The following CSMD1 variants were observed in gnomAD, a reference collection of about 807,000 sequenced individuals.
CSMD1 encodes CUB and Sushi multiple domains 1.
In CSMD1, 213 loss-of-function variants were observed where a neutral mutation model predicts 417.5. The ratio of observed to expected loss-of-function variants is 0.51; its 90% CI spans 0.46 to 0.57. The LOEUF (loss-of-function observed/expected upper bound fraction) is 0.57. Ranked by LOEUF, CSMD1 falls within the 20% of genes least tolerant of loss-of-function variation. The probability of loss-of-function intolerance (pLI) is 0.00; values close to 1 mark genes in which losing one functional copy is unlikely to be tolerated. For synonymous variants in CSMD1, 2,862 were observed against 1,736.8 expected, an observed-to-expected ratio of 1.65 and a Z score of -16.11; for missense variants, 6,923 against 4,529.7, an observed-to-expected ratio of 1.53 and a Z score of -15.17.
intron 1 of CSMD1, among the ~76,000 whole-genome samples, chr8:4,748,348 T>C (rs79737412): frequency 6.6e-6 from 1 of 152,226 alleles, no homozygotes; most frequent in Admixed American, 6.5e-5. Flanking sequence ...ATATGGAAAT[T>C]TGTTTTCTTA....
rs137872396 is a variant in CSMD1 at position 4,067,457 on chromosome 8, C to G, written c.416-35358G>C. On this transcript the variant is annotated intron_variant, in intron 3 of 69. Coordinates refer to ENST00000635120, the MANE Select transcript of CSMD1 (RefSeq NM_033225.6). Reference sequence around the variant, plus strand: ...TTATTATTGTTATACAGTGGTATATCAGTTCTTTTCACATGAAATAAATTA... The same window carrying G: ...TTATTATTGTTATACAGTGGTATATGAGTTCTTTTCACATGAAATAAATTA... Among the ~76,000 whole-genome samples the G allele has an allele frequency of 1.3e-3, 201 of 150,076 alleles. 1 individual carries two copies. The highest frequency in any genetic ancestry group is 4.7e-3 in the African/African-American group (191 of 40,860).
chr8:3,342,484 A>C (rs2117607697), intron 23 of CSMD1, among the ~76,000 whole-genome samples: 1 of 152,310 alleles, frequency 6.6e-6, no homozygotes, highest in South Asian at 2.1e-4. Context: ...TAAACATTTT[A>C]ATTAATTAGT....
At chr8:4,630,777 T>G (rs1402856650) in intron 2 of CSMD1, among the ~76,000 whole-genome samples, 1 of 152,142 alleles carries the variant, frequency 6.6e-6, no homozygotes, top group Admixed American at 6.5e-5. Flanking sequence ...TGGGTTTCTG[T>G]GATGTGTCAT....
intron 3 of CSMD1, among the ~76,000 whole-genome samples, chr8:4,083,482 C>G (rs546254636): frequency 2.0e-5 from 3 of 152,068 alleles, no homozygotes; most frequent in African/African-American, 4.8e-5. Flanking sequence ...GGTACTGGTA[C>G]CAAAACAGAG....
At chr8:3,291,758 TGATCTGTCCAAAAA>T (rs1387500027) in intron 25 of CSMD1, among the ~76,000 whole-genome samples, 5 of 152,180 alleles carry the variant, frequency 3.3e-5, no homozygotes, top group African/African-American at 1.2e-4. Flanking sequence ...TCAGTTTTGT[TGATCTGTCCAAAAA>T]GTCAGCTCCT....
intron 10 of CSMD1, among the ~76,000 whole-genome samples, chr8:3,531,282 T>C (rs774863284): frequency 3.3e-5 from 5 of 152,202 alleles, no homozygotes; most frequent in Non-Finnish European, 7.3e-5. Flanking sequence ...TATTAATTAT[T>C]ATTATTTGTT....
intron 67 of CSMD1, 47 bp downstream of exon 67, chr8:2,950,184 T>C: frequency 2.5e-6 from 3 of 1,222,296 alleles, no homozygotes; most frequent in Non-Finnish European, 3.6e-6. Context: ...CACAGAGAGA[T>C]GATTAGAAAG....
At position 4,132,487 on chromosome 8, in the gene CSMD1, G is replaced by A. The variant is rs758924763; in HGVS notation, c.416-100388C>T. On this transcript the variant is annotated intron_variant, in intron 3 of 69. Transcript: ENST00000635120. Reference sequence around the variant, plus strand: ...TTTTACTTTAACAGGAACATGGGTAGTATAATACATTTTATTAGGCATTCC... The same window carrying A: ...TTTTACTTTAACAGGAACATGGGTAATATAATACATTTTATTAGGCATTCC... 2.0e-5 allele frequency among the ~76,000 whole-genome samples: 3 copies of A among 152,200 alleles called. No homozygotes were observed. The East Asian group carries it at 5.8e-4, about 29-fold the overall frequency.
chr8:3,758,511 C>A (rs540695904), intron 5 of CSMD1, among the ~76,000 whole-genome samples: 44 of 152,198 alleles, frequency 2.9e-4, no homozygotes, highest in African/African-American at 1.0e-3. Context: ...GTCTACAGGG[C>A]CAGGAGCTAA....
Position 4,388,311 on chromosome 8 carries a change from CACACACACAG to C in CSMD1, c.415+31632_415+31641del, listed in dbSNP as rs748475415. Among the ~76,000 whole-genome samples, 884 of 108,654 alleles carry C rather than the reference CACACACACAG, an allele frequency of 8.1e-3. 8 individuals are homozygous for C. The highest frequency in any genetic ancestry group is 0.02 in the African/African-American group (430 of 21,812). 71.3% of individuals were successfully genotyped at this position (108,654 alleles called of 152,430 possible). ...GGATAAAGAAACTGTGATACACACA[CACACACACAG>C]ACACACACACACACACACACACACG... On this transcript the variant is annotated intron_variant, in intron 3 of 69. Coordinates refer to ENST00000635120, the MANE Select transcript of CSMD1 (RefSeq NM_033225.6).
At chr8:3,808,467 T>C (rs1227742347) in intron 5 of CSMD1, among the ~76,000 whole-genome samples, 1 of 152,208 alleles carries the variant, frequency 6.6e-6, no homozygotes, top group Non-Finnish European at 1.5e-5. Flanking sequence ...TCTCTCTTTA[T>C]ACTTTTCAGT....
chr8:3,472,875 G>A (rs949889131), intron 11 of CSMD1, among the ~76,000 whole-genome samples: 1 of 151,872 alleles, frequency 6.6e-6, no homozygotes, highest in Non-Finnish European at 1.5e-5. Context: ...TCGGCCACTA[G>A]AAGTAACTGT....
At chr8:4,413,500 C>G (rs1008473959) in intron 3 of CSMD1, among the ~76,000 whole-genome samples, 7 of 152,174 alleles carry the variant, frequency 4.6e-5, no homozygotes, top group African/African-American at 1.7e-4. Flanking sequence ...TATATCTCTG[C>G]TATATCCCTA....
At chr8:4,484,687 T>C (rs17343492) in intron 2 of CSMD1, among the ~76,000 whole-genome samples, 13,785 of 151,870 alleles carry the variant, frequency 0.091, 807 homozygotes, top group Admixed American at 0.19. Context: ...AGAGGAAAAG[T>C]CACCGGGCAC....
intron 1 of CSMD1, among the ~76,000 whole-genome samples, chr8:4,964,452 G>C (rs186700021): frequency 1.4e-5 from 2 of 144,340 alleles, no homozygotes; most frequent in Non-Finnish European, 3.0e-5. Flanking sequence ...CCAGGAGGTC[G>C]AGGCTGCAGT....
intron 1 of CSMD1, among the ~76,000 whole-genome samples, chr8:4,694,574 A>G (rs189169245): frequency 1.0e-3 from 159 of 152,086 alleles, no homozygotes; most frequent in African/African-American, 3.8e-3. Flanking sequence ...CATATTAGCC[A>G]GGATCGTCTT....
At chr8:4,219,172 T>G (rs1000504993) in intron 3 of CSMD1, among the ~76,000 whole-genome samples, 3 of 152,154 alleles carry the variant, frequency 2.0e-5, no homozygotes, top group Admixed American at 6.5e-5. Context: ...TGTTCCCATC[T>G]CCCCTCCCGT....
intron 2 of CSMD1, among the ~76,000 whole-genome samples, chr8:4,492,697 G>C (rs1467359245): frequency 6.6e-6 from 1 of 152,202 alleles, no homozygotes; most frequent in East Asian, 1.9e-4. Flanking sequence ...TTTTGAGAAT[G>C]AGTCGTCACA....
chr8:3,088,001 A>C (rs1814664368), intron 48 of CSMD1, among the ~76,000 whole-genome samples: 1 of 152,202 alleles, frequency 6.6e-6, no homozygotes, highest in African/African-American at 2.4e-5. Flanking sequence ...AAACTTCTGG[A>C]CTGTACAATG....
Sources: gnomAD v4.1 joint callset for allele counts (sites outside exome capture counted in the v4.1 genomes callset) on GRCh38, gnomAD v4.1.1 for gene constraint, MANE v1.5 for transcripts, NCBI Gene and HGNC (gene_info 2026-07-23, HGNC 2026-07-21) for gene names.